The following RSU1 variants were observed in gnomAD, a reference collection of about 807,000 sequenced individuals.
The protein encoded by RSU1 is Ras suppressor protein 1.
Under a neutral mutation model 31.1 loss-of-function variants are expected in RSU1, and 26 were observed. The ratio of observed to expected loss-of-function variants is 0.84; its 90% CI spans 0.61 to 1.16. The LOEUF (loss-of-function observed/expected upper bound fraction) is 1.16. Ranked by LOEUF, RSU1 falls within the 50% of genes most tolerant of loss-of-function variation. The probability of loss-of-function intolerance (pLI) is 0.00; values close to 1 mark genes in which losing one functional copy is unlikely to be tolerated. For synonymous variants in RSU1, 164 were observed against 136.3 expected, an observed-to-expected ratio of 1.20 and a Z score of -1.41; for missense variants, 320 against 339.1, an observed-to-expected ratio of 0.94 and a Z score of 0.44.
intron 7 of RSU1, among the ~76,000 whole-genome samples, chr10:16,719,001 T>A (rs1053527083): frequency 8.5e-5 from 10 of 117,530 alleles, no homozygotes; most frequent in Middle Eastern, 6.3e-3. Flanking sequence ...AAAAAAAAAA[T>A]TATGTTGGCT....
intron 8 of RSU1, among the ~76,000 whole-genome samples, chr10:16,650,728 C>T (rs1391568408): frequency 6.6e-6 from 1 of 150,980 alleles, no homozygotes; most frequent in East Asian, 1.9e-4. Flanking sequence ...TACAGGCGCC[C>T]GCCACCACAC....
At chr10:16,753,510 C>G (rs1004046085) in intron 5 of RSU1, among the ~76,000 whole-genome samples, 2 of 152,176 alleles carry the variant, frequency 1.3e-5, no homozygotes, top group African/African-American at 4.8e-5. Context: ...CACAGCTCAT[C>G]AGTTCCATAA....
intron 8 of RSU1, among the ~76,000 whole-genome samples, chr10:16,670,020 T>G (rs1457895802): frequency 6.6e-6 from 1 of 152,190 alleles, no homozygotes; most frequent in Non-Finnish European, 1.5e-5. Context: ...TCACAAATGG[T>G]GTCTAGGTCC....
intron 8 of RSU1, among the ~76,000 whole-genome samples, chr10:16,633,542 T>C (rs1834290602): frequency 6.6e-6 from 1 of 152,028 alleles, no homozygotes; most frequent in Non-Finnish European, 1.5e-5. Flanking sequence ...TCAGCACTGG[T>C]GTGGTGAGAC....
At chr10:16,700,492 G>A (rs1171911935) in intron 7 of RSU1, among the ~76,000 whole-genome samples, 1 of 152,138 alleles carries the variant, frequency 6.6e-6, no homozygotes, top group Non-Finnish European at 1.5e-5. Context: ...TCACATGGAA[G>A]CTAACCACAA....
chr10:16,641,783 C>T (rs1313857337), intron 8 of RSU1, among the ~76,000 whole-genome samples: 1 of 152,204 alleles, frequency 6.6e-6, no homozygotes, highest in Admixed American at 6.5e-5. Flanking sequence ...GTCGTGCCCA[C>T]TTTCACAGCA....
intron 7 of RSU1, among the ~76,000 whole-genome samples, chr10:16,698,103 C>A (rs1005845827): frequency 1.0e-4 from 15 of 147,004 alleles, no homozygotes; most frequent in Non-Finnish European, 1.6e-4. Context: ...ATTTTCAGGG[C>A]CCTTGGCAAG....
At chr10:16,781,256 A>T (rs913898398) in intron 3 of RSU1, among the ~76,000 whole-genome samples, 6 of 152,146 alleles carry the variant, frequency 3.9e-5, no homozygotes, top group Admixed American at 2.6e-4. Flanking sequence ...CAGCTCTACG[A>T]AGAAAACGGC....
At chr10:16,769,820 T>C (rs1355811295) in intron 3 of RSU1, among the ~76,000 whole-genome samples, 3 of 152,220 alleles carry the variant, frequency 2.0e-5, no homozygotes, top group African/African-American at 7.2e-5. Flanking sequence ...GGGGAACTGA[T>C]GACACGTGAA....
chr10:16,646,091 T>A lies in RSU1; in HGVS notation c.731+48932A>T, dbSNP rs11254127. Among the ~76,000 whole-genome samples, 111 of 116,032 alleles carry A rather than the reference T, an allele frequency of 9.6e-4. 13 individuals are homozygous for A. Among genetic ancestry groups the A allele is most frequent in the African/African-American group, 4.7e-3 (101 of 21,472 alleles). The allele number at this position is 116,032 out of a possible 152,430, so 76.1% of individuals were successfully genotyped here. A position where few individuals can be genotyped will look rare whatever the true frequency, so the allele number is the denominator to read the frequency against. ...ACACACACACACACACACACACACATACATATATAAATGTGCATTCAAAAC... is the reference window on the plus strand; with the variant it reads ...ACACACACACACACACACACACACAAACATATATAAATGTGCATTCAAAAC... On this transcript the variant is annotated intron_variant, in intron 8 of 8. Coordinates refer to ENST00000345264, the MANE Select transcript of RSU1 (RefSeq NM_012425.4).
At chr10:16,699,080 A>C (rs1159044356) in intron 7 of RSU1, among the ~76,000 whole-genome samples, 1 of 152,240 alleles carries the variant, frequency 6.6e-6, no homozygotes, top group Non-Finnish European at 1.5e-5. Flanking sequence ...TTTAACAAAG[A>C]GCCATGAAAC....
At chr10:16,607,034 C>T (rs1833817287) in intron 8 of RSU1, among the ~76,000 whole-genome samples, 1 of 152,166 alleles carries the variant, frequency 6.6e-6, no homozygotes, top group Non-Finnish European at 1.5e-5. Context: ...GAATTGTAGT[C>T]CTCAGTGTTG....
intron 7 of RSU1, among the ~76,000 whole-genome samples, chr10:16,726,576 T>A (rs1378602260): frequency 6.6e-6 from 1 of 152,174 alleles, no homozygotes; most frequent in African/African-American, 2.4e-5. Context: ...AGAACGTATC[T>A]TGAATGATGG....
At chr10:16,797,349 G>A (rs1330758562) in intron 2 of RSU1, among the ~76,000 whole-genome samples, 3 of 152,210 alleles carry the variant, frequency 2.0e-5, no homozygotes, top group African/African-American at 7.2e-5. Flanking sequence ...ACTGAACCAA[G>A]TCATCTGAAA....
chr10:16,772,541 C>T (rs548344049), intron 3 of RSU1, among the ~76,000 whole-genome samples: 86 of 149,650 alleles, frequency 5.7e-4, no homozygotes, highest in Non-Finnish European at 8.9e-4. Context: ...CATTCAGTGG[C>T]CTGGGGAGGA....
chr10:16,615,171 TAAAG>T (rs1490754682), intron 8 of RSU1, among the ~76,000 whole-genome samples: 1 of 146,334 alleles, frequency 6.8e-6, no homozygotes, highest in Admixed American at 6.8e-5. Flanking sequence ...AGGCTCAAAA[TAAAG>T]GAATGGAAGA....
intron 8 of RSU1, among the ~76,000 whole-genome samples, chr10:16,655,212 A>G (rs887697872): frequency 5.3e-5 from 8 of 152,326 alleles, no homozygotes; most frequent in Admixed American, 2.0e-4. Flanking sequence ...TTCTCTCTCA[A>G]ATGAATTTTG....
intron 7 of RSU1, among the ~76,000 whole-genome samples, chr10:16,711,641 G>C (rs1010109586): frequency 6.6e-6 from 1 of 152,062 alleles, no homozygotes; most frequent in Admixed American, 6.6e-5. Flanking sequence ...TAATTTAATT[G>C]ACCCACTGGT....
At chr10:16,619,627 TG>T (rs377743090) in intron 8 of RSU1, among the ~76,000 whole-genome samples, 168 of 152,340 alleles carry the variant, frequency 1.1e-3, no homozygotes, top group Admixed American at 7.8e-3. Flanking sequence ...CTCAGCTCAA[TG>T]GTACATCAAA....
Sources: gnomAD v4.1 joint callset for allele counts (sites outside exome capture counted in the v4.1 genomes callset) on GRCh38, gnomAD v4.1.1 for gene constraint, MANE v1.5 for transcripts, NCBI Gene and HGNC (gene_info 2026-07-23, HGNC 2026-07-21) for gene names.